The following SRP68 variants were observed in gnomAD, a reference collection of about 807,000 sequenced individuals.
SRP68 encodes signal recognition particle 68.
In SRP68, 15 loss-of-function variants were observed where a neutral mutation model predicts 82.2. That is an observed-to-expected ratio of 0.18 (90% CI 0.12 to 0.28). SRP68 has a LOEUF of 0.28. Ranked by LOEUF, SRP68 falls within the 10% of genes least tolerant of loss-of-function variation. The probability of loss-of-function intolerance (pLI) is 1.00; values close to 1 mark genes in which losing one functional copy is unlikely to be tolerated. For missense variants in SRP68, 595 were observed against 780.5 expected (o/e 0.76, Z 2.83); for synonymous variants, 261 against 292.6 (o/e 0.89, Z 1.10).
chr17:76,042,701 C>A (rs1042195869), intron 13 of SRP68, among the ~76,000 whole-genome samples: 2 of 152,150 alleles, frequency 1.3e-5, no homozygotes, highest in Non-Finnish European at 2.9e-5. Flanking sequence ...TCTCCTGCCT[C>A]AGCTTCTCAA....
intron 2 of SRP68, among the ~76,000 whole-genome samples, 154 bp downstream of exon 2, chr17:76,070,222 CAA>C (rs386386662): frequency 4.2e-5 from 4 of 95,498 alleles, no homozygotes; most frequent in South Asian, 3.9e-4. Flanking sequence ...GACTCCATCT[CAA>C]AAAAAAAAAA....
intron 10 of SRP68, among the ~76,000 whole-genome samples, chr17:76,047,029 G>A (rs1390520692): frequency 6.6e-6 from 1 of 152,172 alleles, no homozygotes; most frequent in Admixed American, 6.5e-5. Context: ...GATCACCTGA[G>A]CCCGGGAGGC....
At chr17:76,063,685 CTGA>C (rs2066785940) in intron 4 of SRP68, among the ~76,000 whole-genome samples, 1 of 80,050 alleles carries the variant, frequency 1.2e-5, no homozygotes, top group African/African-American at 1.2e-4. Flanking sequence ...AAGACTCTGT[CTGA>C]AAAAAAAAAA....
chr17:76,053,484 G>A (rs1214045924), intron 8 of SRP68: 1 of 985,312 alleles, frequency 1.0e-6, no homozygotes, highest in East Asian at 1.1e-4. Context: ...CCTGTCGGTA[G>A]GGTACAGTTC....
chr17:76,063,151 TTTA>T (rs879021328), intron 4 of SRP68, among the ~76,000 whole-genome samples: 2 of 152,108 alleles, frequency 1.3e-5, no homozygotes, highest in South Asian at 4.1e-4. Flanking sequence ...ACATAGGCAA[TTTA>T]TTATGATTTA....
intron 3 of SRP68, among the ~76,000 whole-genome samples, chr17:76,064,837 T>C (rs1157818454): frequency 2.1e-5 from 2 of 94,518 alleles, no homozygotes; most frequent in Admixed American, 1.5e-4. Context: ...CAAGACTCCA[T>C]CTCAAAAAAA....
chr17:76,043,138 C>CCAG (rs2066603982), intron 13 of SRP68, among the ~76,000 whole-genome samples: 1 of 152,032 alleles, frequency 6.6e-6, no homozygotes, highest in Non-Finnish European at 1.5e-5. Context: ...GTGGCTCATG[C>CCAG]CTGTAGTCCC....
chr17:76,060,321 G>A lies in SRP68; in HGVS notation c.824C>T (p.Ala275Val), dbSNP rs768329856. The A allele has an allele frequency of 6.8e-6, 11 of 1,609,032 alleles. No homozygotes were observed. The Admixed American group carries it at 1.9e-4, about 27-fold the overall frequency. ...ATACTAGATTACCTCCAATTTTTCA[G>A]CCAAGAGACCCTCAGTGCCCCCAGA... ...LRSGGTEGLL[A>V]EKLEALITQT... The change falls in exon 7 of 16, where the codon GCT becomes GTT. Residue 275 changes from alanine (A) to valine (V), a missense_variant. Physicochemically the swap from Ala to Val is moderately conservative, Grantham distance 64 (BLOSUM62 0). Transcript: ENST00000307877.
chr17:76,064,247 G>T, intron 3 of SRP68, 76 bp from the exon 4 acceptor site: 2 of 1,346,284 alleles, frequency 1.5e-6, no homozygotes, highest in Non-Finnish European at 2.1e-6. Context: ...GTAATCTTCG[G>T]CTTCTCGGCT....
chr17:76,047,368 G>A (rs2066639758), intron 10 of SRP68, among the ~76,000 whole-genome samples: 1 of 152,196 alleles, frequency 6.6e-6, no homozygotes, highest in Non-Finnish European at 1.5e-5. Flanking sequence ...ATGCCTGGCT[G>A]TGTTCTAGTT....
At chr17:76,049,523 G>A (rs2066656341) in intron 9 of SRP68, 1 of 152,200 alleles carries the variant, frequency 6.6e-6, no homozygotes, top group Non-Finnish European at 1.5e-5. Context: ...GGACTCAGAA[G>A]GATGCAGTGA....
intron 2 of SRP68, among the ~76,000 whole-genome samples, chr17:76,069,269 TCC>T (rs956653938): frequency 9.9e-5 from 15 of 151,336 alleles, no homozygotes; most frequent in African/African-American, 3.6e-4. Flanking sequence ...ATGCCTGTAG[TCC>T]CAGGTACTCG....
Position 76,046,181 on chromosome 17 carries a change from T to A in SRP68, c.1156A>T (p.Ile386Phe). Residue 386 changes from isoleucine to phenylalanine, a missense_variant, in exon 11 of 16, where the codon ATC (isoleucine) becomes TTC (phenylalanine). Transcript: ENST00000307877. ...CGCTTGATTGCCGTTGATAGCTTGATGTAAGTCAGGTAGCTGGAATGCACC... is the reference window on the plus strand; with the variant it reads ...CGCTTGATTGCCGTTGATAGCTTGAAGTAAGTCAGGTAGCTGGAATGCACC... ...LQYLHSYLTY[I>F]KLSTAIKRNE... 6.2e-7 allele frequency: 1 copy of A among 1,613,748 alleles called. No individual in the cohort carries two copies. Among genetic ancestry groups the A allele is most frequent in the Non-Finnish European group, 8.5e-7 (1 of 1,179,834 alleles).
At position 76,046,200 on chromosome 17, in the gene SRP68, A is replaced by G; in HGVS notation, c.1143-6T>C. ...GCTTGATGTAAGTCAGGTAGCTGGA[A>G]TGCACCACAAGTCAGCTCAAGTTAT... On this transcript the variant is annotated splice_polypyrimidine_tract_variant and splice_region_variant and intron_variant, in intron 10 of 15. Transcript: ENST00000307877. 1.2e-6 allele frequency: 2 copies of G among 1,613,258 alleles called. No homozygotes were observed. The highest frequency in any genetic ancestry group is 1.7e-6 in the Non-Finnish European group (2 of 1,179,488).
chr17:76,044,531 C>T (rs1228586537), intron 12 of SRP68, among the ~76,000 whole-genome samples: 1 of 152,148 alleles, frequency 6.6e-6, no homozygotes, highest in African/African-American at 2.4e-5. Flanking sequence ...GCATGGGGCT[C>T]TGCCTTCCAT....
intron 12 of SRP68, among the ~76,000 whole-genome samples, chr17:76,044,199 C>G (rs139538038): frequency 1.3e-5 from 2 of 152,262 alleles, no homozygotes; most frequent in Non-Finnish European, 2.9e-5. Context: ...TACTGACTGG[C>G]TGACTCTGCA....
chr17:76,062,895 T>C (rs985946253), intron 4 of SRP68, among the ~76,000 whole-genome samples: 15 of 147,098 alleles, frequency 1.0e-4, no homozygotes, highest in Admixed American at 2.1e-4. Flanking sequence ...CTCTGCCTCC[T>C]GAGTAGCTGG....
chr17:76,057,350 G>C, intron 8 of SRP68, 53 bp downstream of exon 8: 1 of 1,607,854 alleles, frequency 6.2e-7, no homozygotes, highest in East Asian at 2.2e-5. Flanking sequence ...TAAACACACA[G>C]GACAACCTTC....
chr17:76,067,597 G>T (rs923076978), intron 2 of SRP68, among the ~76,000 whole-genome samples: 1 of 152,056 alleles, frequency 6.6e-6, no homozygotes, highest in African/African-American at 2.4e-5. Flanking sequence ...CTGGGTAGAT[G>T]TGACCAACAG....
Sources: gnomAD v4.1 joint callset for allele counts (sites outside exome capture counted in the v4.1 genomes callset) on GRCh38, gnomAD v4.1.1 for gene constraint, MANE v1.5 for transcripts, NCBI Gene and HGNC (gene_info 2026-07-23, HGNC 2026-07-21) for gene names.